DAB1: variants seen among roughly 807,000 people sequenced by gnomAD.
DAB1 encodes the protein DAB adaptor protein 1.
DAB1 carries 15 observed loss-of-function variants against 64.6 expected under a neutral mutation model. The ratio of observed to expected loss-of-function variants is 0.23; its 90% CI spans 0.16 to 0.36. DAB1 has a LOEUF of 0.36. Ranked by LOEUF, DAB1 falls within the 10% of genes least tolerant of loss-of-function variation. The pLI, the probability that DAB1 is intolerant of heterozygous loss-of-function variation, is 1.00. For missense variants in DAB1, 596 were observed against 706.7 expected (o/e 0.84, Z 1.78); for synonymous variants, 235 against 251.9 (o/e 0.93, Z 0.64).
chr1:58,495,850 T>C (rs539806419), intron 3 of DAB1, among the ~76,000 whole-genome samples: 27 of 152,334 alleles, frequency 1.8e-4, no homozygotes, highest in Middle Eastern at 3.4e-3. Context: ...ATCTTCCTTA[T>C]GCTTATGAAA....
At chr1:58,130,826 C>T (rs965768250) in intron 5 of DAB1, among the ~76,000 whole-genome samples, 8 of 152,132 alleles carry the variant, frequency 5.3e-5, no homozygotes, top group South Asian at 2.1e-4. Flanking sequence ...CCGAGAGATC[C>T]GCCGTTAGTC....
At chr1:57,527,578 A>G (rs554523401) in intron 7 of DAB1, among the ~76,000 whole-genome samples, 1 of 152,330 alleles carries the variant, frequency 6.6e-6, no homozygotes, top group East Asian at 1.9e-4. Context: ...CTCCTACTAC[A>G]TGCATTGATA....
intron 2 of DAB1, among the ~76,000 whole-genome samples, chr1:57,261,353 C>T (rs1287313496): frequency 1.3e-5 from 2 of 152,128 alleles, no homozygotes; most frequent in Non-Finnish European, 2.9e-5. Flanking sequence ...GTTAAAAGGC[C>T]TTTCAGAGGT....
chr1:57,233,480 G>T (rs1377918076), intron 2 of DAB1, among the ~76,000 whole-genome samples: 1 of 151,810 alleles, frequency 6.6e-6, no homozygotes, highest in Non-Finnish European at 1.5e-5. Flanking sequence ...CCTGCTGCAG[G>T]CCAGGTGCGG....
chr1:57,157,557 G>A (rs1482072273), intron 2 of DAB1, among the ~76,000 whole-genome samples: 3 of 146,918 alleles, frequency 2.0e-5, no homozygotes, highest in African/African-American at 7.7e-5. Context: ...CTCTTTTTGT[G>A]CATGCACTGA....
chr1:58,474,105 A>C, intron 3 of DAB1: 3 of 414,736 alleles, frequency 7.2e-6, no homozygotes, highest in Non-Finnish European at 1.4e-5. Context: ...ATTCCTGTGG[A>C]GTGTGGATGA....
At chr1:57,548,598 T>G (rs1644880687) in intron 7 of DAB1, among the ~76,000 whole-genome samples, 1 of 152,184 alleles carries the variant, frequency 6.6e-6, no homozygotes, top group South Asian at 2.1e-4. Flanking sequence ...ATAACTACCT[T>G]ATGTGATGAG....
chr1:57,123,775 A>T (rs1002316007), intron 4 of DAB1, among the ~76,000 whole-genome samples: 6 of 152,206 alleles, frequency 3.9e-5, no homozygotes, highest in African/African-American at 1.2e-4. Flanking sequence ...AAAAATGTGG[A>T]TAAGTAAAAA....
chr1:57,727,425 G>A (rs912362), intron 6 of DAB1, among the ~76,000 whole-genome samples: 9 of 152,300 alleles, frequency 5.9e-5, no homozygotes, highest in South Asian at 2.1e-4. Flanking sequence ...AAGCCTGTGC[G>A]TCACCTGTTC....
chr1:57,487,193 G>A (rs959729761), intron 7 of DAB1, among the ~76,000 whole-genome samples: 7 of 152,156 alleles, frequency 4.6e-5, no homozygotes, highest in African/African-American at 1.7e-4. Flanking sequence ...CACAGGTAGA[G>A]GTAGATATAG....
At chr1:57,293,912 A>G (rs535358972) in intron 1 of DAB1, among the ~76,000 whole-genome samples, 51 of 152,310 alleles carry the variant, frequency 3.3e-4, no homozygotes, top group Non-Finnish European at 5.3e-4. Flanking sequence ...AAGTGTTACA[A>G]GCATTACTTG....
intron 5 of DAB1, among the ~76,000 whole-genome samples, chr1:57,890,456 C>CTTTTTTT (rs71246207): frequency 2.4e-4 from 33 of 136,612 alleles, no homozygotes; most frequent in African/African-American, 3.3e-4. Flanking sequence ...CTTTTCTTTT[C>CTTTTTTT]TTTTTTTTTT....
intron 2 of DAB1, among the ~76,000 whole-genome samples, chr1:57,288,117 C>G (rs1000678413): frequency 6.6e-6 from 1 of 152,168 alleles, no homozygotes; most frequent in South Asian, 2.1e-4. Flanking sequence ...TTTTAATATA[C>G]ATGTGCCTTG....
At chr1:57,360,153 A>G (rs1370862046) in intron 1 of DAB1, among the ~76,000 whole-genome samples, 2 of 152,214 alleles carry the variant, frequency 1.3e-5, no homozygotes, top group East Asian at 1.9e-4. Flanking sequence ...CAATTTCACA[A>G]TGTGTATACA....
intron 1 of DAB1, among the ~76,000 whole-genome samples, chr1:57,395,594 CT>C (rs1682737657): frequency 2.0e-5 from 3 of 152,200 alleles, no homozygotes; most frequent in Non-Finnish European, 4.4e-5. Flanking sequence ...ATGAAATGAT[CT>C]GTATCTGTGC....
intron 7 of DAB1, among the ~76,000 whole-genome samples, chr1:57,458,899 T>C (rs987622786): frequency 6.6e-6 from 1 of 152,092 alleles, no homozygotes; most frequent in Non-Finnish European, 1.5e-5. Context: ...ATCTTTTGCC[T>C]CTGAAGAGTG....
Position 58,523,378 on chromosome 1 carries a change from G to A in DAB1, n.107+3883C>T, listed in dbSNP as rs1646297217. On this transcript the variant is annotated intron_variant and non_coding_transcript_variant, in intron 2 of 20. Coordinates refer to the DAB1 transcript ENST00000485760. ...TATAACAATGATGGAATCTTCAGTG[G>A]TGTAAACCTTACAGACTTTCATAAT... 2.0e-5 allele frequency among the ~76,000 whole-genome samples: 3 copies of A among 152,166 alleles called. No individual in the cohort carries two copies. The South Asian group carries it at 6.2e-4, about 32-fold the overall frequency.
intron 4 of DAB1, among the ~76,000 whole-genome samples, chr1:58,308,208 C>G (rs780001893): frequency 6.6e-6 from 1 of 152,116 alleles, no homozygotes; most frequent in Non-Finnish European, 1.5e-5. Context: ...GTGGCCTTCA[C>G]ATGTTTGGAG....
chr1:58,061,083 T>C (rs1047610570), intron 5 of DAB1, among the ~76,000 whole-genome samples: 1 of 152,178 alleles, frequency 6.6e-6, no homozygotes, highest in Non-Finnish European at 1.5e-5. Context: ...TGCTCAGGTC[T>C]GACGTGGGCT....
Sources: gnomAD v4.1 joint callset for allele counts (sites outside exome capture counted in the v4.1 genomes callset) on GRCh38, gnomAD v4.1.1 for gene constraint, MANE v1.5 for transcripts, NCBI Gene and HGNC (gene_info 2026-07-23, HGNC 2026-07-21) for gene names.